MON2: variants seen among roughly 807,000 people sequenced by gnomAD.
MON2 encodes protein MON2 homolog.
MON2 carries 84 observed loss-of-function variants against 208.6 expected under a neutral mutation model. That is an observed-to-expected ratio of 0.40 (90% CI 0.34 to 0.48). MON2 has a LOEUF of 0.48. Ranked by LOEUF, MON2 falls within the 20% of genes least tolerant of loss-of-function variation. MON2 has a pLI of 0.59. For missense variants in MON2, 1,611 were observed against 2,015.4 expected (o/e 0.80, Z 3.84); for synonymous variants, 660 against 694.0 (o/e 0.95, Z 0.77).
intron 29 of MON2, among the ~76,000 whole-genome samples, chr12:62,570,487 T>A (rs889286649): frequency 1.3e-5 from 2 of 152,110 alleles, no homozygotes; most frequent in Non-Finnish European, 1.5e-5. Flanking sequence ...ATGTACTGCT[T>A]AAGGACCGAG....
chr12:62,491,389 A>G (rs1247262702), intron 2 of MON2, among the ~76,000 whole-genome samples: 1 of 152,158 alleles, frequency 6.6e-6, no homozygotes, highest in African/African-American at 2.4e-5. Flanking sequence ...TTTAATTGTC[A>G]CTGACTTTTT....
At chr12:62,501,469 T>G in intron 6 of MON2, 104 bp from the exon 7 acceptor site, 1 of 1,333,496 alleles carries the variant, frequency 7.5e-7, no homozygotes, top group Non-Finnish European at 1.0e-6. Flanking sequence ...AGCAAAAACA[T>G]GTATTATATA....
intron 8 of MON2, among the ~76,000 whole-genome samples, chr12:62,519,310 A>G (rs556774274): frequency 6.6e-6 from 1 of 152,174 alleles, no homozygotes; most frequent in African/African-American, 2.4e-5. Context: ...GCTGAGTGAT[A>G]CTGGGGGTGG....
rs551116089 is a variant in MON2 at position 62,492,362 on chromosome 12, C to CTA, written c.176-1552_176-1551insAT. On this transcript the variant is annotated intron_variant, in intron 2 of 34. Coordinates refer to ENST00000393630, the MANE Select transcript of MON2 (RefSeq NM_015026.3). Reference sequence around the variant, plus strand: ...CAAAAAATAACTGATAGAGTTAGTTCTTTTTTTTTTTTTTTTTTTTGAGAC... The same window carrying CTA: ...CAAAAAATAACTGATAGAGTTAGTTCTATTTTTTTTTTTTTTTTTTTTGAGAC... Among the ~76,000 whole-genome samples the CTA allele has an allele frequency of 1.7e-4, 19 of 110,258 alleles. No individual in the cohort carries two copies. The East Asian group carries it at 5.0e-3, about 29-fold the overall frequency. The allele number at this position is 110,258 out of a possible 152,430, so 72.3% of individuals were successfully genotyped here. A position where few individuals can be genotyped will look rare whatever the true frequency, so the allele number is the denominator to read the frequency against.
chr12:62,563,639 T>TA (rs1353245866), intron 26 of MON2, among the ~76,000 whole-genome samples: 2 of 152,242 alleles, frequency 1.3e-5, no homozygotes, highest in Non-Finnish European at 2.9e-5. Context: ...AGTTTGTTGT[T>TA]AAAAAATTGT....
intron 8 of MON2, among the ~76,000 whole-genome samples, chr12:62,514,413 A>T (rs1006618128): frequency 8.5e-5 from 13 of 152,228 alleles, no homozygotes; most frequent in Non-Finnish European, 1.6e-4. Context: ...AAAATAAAGA[A>T]GATTAGTGGA....
chr12:62,485,626 G>T (rs1368154606), intron 2 of MON2, among the ~76,000 whole-genome samples: 1 of 152,184 alleles, frequency 6.6e-6, no homozygotes, highest in Admixed American at 6.5e-5. Context: ...TTGAGAAGTG[G>T]TATAGTGAAA....
intron 2 of MON2, among the ~76,000 whole-genome samples, chr12:62,487,309 T>C (rs1272808681): frequency 6.6e-6 from 1 of 152,154 alleles, no homozygotes; most frequent in African/African-American, 2.4e-5. Flanking sequence ...GCTTATAGTA[T>C]ACTAAAAATT....
chr12:62,525,793 G>T (rs923774567), intron 10 of MON2, among the ~76,000 whole-genome samples, 156 bp from the exon 11 acceptor site: 1 of 152,194 alleles, frequency 6.6e-6, no homozygotes, highest in Non-Finnish European at 1.5e-5. Flanking sequence ...TTCTCTGATA[G>T]ACAAAGTAGT....
intron 7 of MON2, among the ~76,000 whole-genome samples, chr12:62,504,876 A>C (rs2071023496): frequency 2.6e-5 from 4 of 152,246 alleles, no homozygotes; most frequent in Middle Eastern, 3.2e-3. Flanking sequence ...TAAAAGTGTT[A>C]GGAAATGAAT....
chr12:62,537,768 G>C, intron 16 of MON2, 62 bp downstream of exon 16: 1 of 1,228,558 alleles, frequency 8.1e-7, no homozygotes, highest in South Asian at 1.3e-5. Flanking sequence ...CTAACAGTTA[G>C]ACTAAGCAAT....
intron 12 of MON2, among the ~76,000 whole-genome samples, chr12:62,534,542 A>AAATATATATATAT (rs1555169522): frequency 2.0e-3 from 46 of 22,856 alleles, no homozygotes; most frequent in Non-Finnish European, 3.1e-3. Flanking sequence ...AAAAAAAAAA[A>AAATATATATATAT]ATATATATAT....
At chr12:62,521,234 C>T (rs1257220133) in intron 8 of MON2, among the ~76,000 whole-genome samples, 1 of 152,032 alleles carries the variant, frequency 6.6e-6, no homozygotes, top group Non-Finnish European at 1.5e-5. Context: ...GTTTTGAATT[C>T]CTGACCTCAA....
At chr12:62,501,883 C>T (rs893936157) in intron 7 of MON2, among the ~76,000 whole-genome samples, 185 bp downstream of exon 7, 1 of 151,678 alleles carries the variant, frequency 6.6e-6, no homozygotes, top group East Asian at 1.9e-4. Flanking sequence ...CCCAGGAGTT[C>T]GAGACCAGCC....
intron 1 of MON2, among the ~76,000 whole-genome samples, chr12:62,477,207 G>GT (rs2069137190): frequency 6.6e-6 from 1 of 151,946 alleles, no homozygotes; most frequent in Non-Finnish European, 1.5e-5. Context: ...ACAAAACCAA[G>GT]CAGAACAGCA....
At chr12:62,494,532 T>C (rs189580849) in intron 3 of MON2, among the ~76,000 whole-genome samples, 1 of 152,312 alleles carries the variant, frequency 6.6e-6, no homozygotes, top group African/African-American at 2.4e-5. Context: ...AGTACTATAG[T>C]AGAAGTGATA....
At chr12:62,488,756 A>G (rs924648701) in intron 2 of MON2, among the ~76,000 whole-genome samples, 1 of 152,022 alleles carries the variant, frequency 6.6e-6, no homozygotes, top group African/African-American at 2.4e-5. Context: ...GCTTTTATTT[A>G]TTCTTTTTTT....
chr12:62,576,657 C>T (rs73124315), intron 30 of MON2, among the ~76,000 whole-genome samples: 18,934 of 151,738 alleles, frequency 0.12, 1,499 homozygotes, highest in Middle Eastern at 0.24. Flanking sequence ...TTGTAACCTG[C>T]AGTATTGACC....
At chr12:62,489,973 C>CT in intron 2 of MON2, 1 of 1,028,222 alleles carries the variant, frequency 9.7e-7, no homozygotes. Flanking sequence ...CACAATAAAA[C>CT]TTTTATTACA....
Sources: gnomAD v4.1 joint callset for allele counts (sites outside exome capture counted in the v4.1 genomes callset) on GRCh38, gnomAD v4.1.1 for gene constraint, MANE v1.5 for transcripts, NCBI Gene and HGNC (gene_info 2026-07-23, HGNC 2026-07-21) for gene names.